The following JAK2 variants were observed in gnomAD, a reference collection of about 807,000 sequenced individuals.
The protein encoded by JAK2 is Janus kinase 2, also known as tyrosine-protein kinase JAK2.
A neutral mutation model predicts 139.3 loss-of-function variants in JAK2; 86 were observed. The ratio of observed to expected loss-of-function variants is 0.62; its 90% CI spans 0.52 to 0.74. The LOEUF (loss-of-function observed/expected upper bound fraction) is 0.74. Ranked by LOEUF, JAK2 falls within the 30% of genes least tolerant of loss-of-function variation. JAK2 has a pLI of 0.00. For synonymous variants in JAK2, 490 were observed against 437.7 expected, an observed-to-expected ratio of 1.12 and a Z score of -1.49; for missense variants, 1,421 against 1,360.3, an observed-to-expected ratio of 1.04 and a Z score of -0.70.
At chr9:5,111,694 C>G (rs1325182212) in intron 22 of JAK2, 2 of 430,142 alleles carry the variant, frequency 4.6e-6, no homozygotes, top group Non-Finnish European at 9.2e-6. Context: ...GCGGAGGCAG[C>G]AGCACGTTTG....
At chr9:5,040,406 AG>A (rs1816395144) in intron 4 of JAK2, among the ~76,000 whole-genome samples, 1 of 152,250 alleles carries the variant, frequency 6.6e-6, no homozygotes. Flanking sequence ...GTGGTTTCTT[AG>A]ATATGACACC....
At chr9:5,113,665 G>T in intron 22 of JAK2, 1 of 164,854 alleles carries the variant, frequency 6.1e-6, no homozygotes, top group South Asian at 1.7e-4. Flanking sequence ...TGAAGTCAGT[G>T]ACTGTGACCT....
intron 22 of JAK2, chr9:5,111,021 C>A: frequency 2.5e-6 from 2 of 801,612 alleles, no homozygotes; most frequent in Non-Finnish European, 4.1e-6. Flanking sequence ...AGGGCCGGCC[C>A]GCCTCCCTGG....
At chr9:5,082,932 G>C (rs1214110156) in intron 19 of JAK2, among the ~76,000 whole-genome samples, 1 of 152,182 alleles carries the variant, frequency 6.6e-6, no homozygotes, top group Non-Finnish European at 1.5e-5. Flanking sequence ...GATCAAAATG[G>C]AATTTCTTAT....
At chr9:5,085,088 G>A in intron 19 of JAK2, 1 of 665,778 alleles carries the variant, frequency 1.5e-6, no homozygotes, top group Admixed American at 1.8e-5. Context: ...ATTGCTTCAT[G>A]GCAGTACTGC....
chr9:5,073,730 G>C lies in JAK2; in HGVS notation c.1809G>C (p.Lys603Asn), dbSNP rs771269665. ...SFFEAASMMS[K>N]LSHKHLVLNY... Reference sequence around the variant, plus strand: ...TTGAAGCAGCAAGTATGATGAGCAAGCTTTCTCACAAGCATTTGGTTTTAA... The same window carrying C: ...TTGAAGCAGCAAGTATGATGAGCAACCTTTCTCACAAGCATTTGGTTTTAA... Residue 603 changes from lysine (K) to asparagine (N), a missense_variant, in exon 14 of 25, where the codon AAG (lysine) becomes AAC (asparagine). Lys to Asn is a moderately conservative substitution (Grantham distance 94, BLOSUM62 0). Transcript: ENST00000381652. 1 of 1,612,318 alleles carries C rather than the reference G, an allele frequency of 6.2e-7. No homozygotes were observed. Among genetic ancestry groups the C allele is most frequent in the South Asian group, 1.1e-5 (1 of 91,030 alleles).
At chr9:5,061,347 G>C (rs972912108) in intron 8 of JAK2, among the ~76,000 whole-genome samples, 3 of 152,330 alleles carry the variant, frequency 2.0e-5, no homozygotes, top group African/African-American at 7.2e-5. Context: ...ACAGAAGGCT[G>C]TTTTGTTTAC....
chr9:5,080,699 A>C lies in JAK2; in HGVS notation c.2434+16A>C. ...TTTACTCCAGGTATGTATTTGAATG[A>C]TCTTATTGATTTTCCAGCTTTCTAT... On this transcript the variant is annotated intron_variant, in intron 18 of 24. Transcript: ENST00000381652. 1 of 1,514,048 alleles carries C rather than the reference A, an allele frequency of 6.6e-7. No individual in the cohort carries two copies. The highest frequency in any genetic ancestry group is 8.8e-7 in the Non-Finnish European group (1 of 1,133,570). 93.8% of individuals were successfully genotyped at this position (1,514,048 alleles called of 1,614,324 possible). A position where few individuals can be genotyped will look rare whatever the true frequency, so the allele number is the denominator to read the frequency against.
chr9:5,053,417 C>T (rs1179523095), intron 6 of JAK2, among the ~76,000 whole-genome samples: 3 of 152,014 alleles, frequency 2.0e-5, no homozygotes, highest in Non-Finnish European at 2.9e-5. Context: ...ATTATTTCCT[C>T]CCATTCTGTG....
At chr9:5,111,901 G>C (rs1822597540) in intron 22 of JAK2, 1 of 354,598 alleles carries the variant, frequency 2.8e-6, no homozygotes, top group South Asian at 2.1e-5. Context: ...GGACGCCCTC[G>C]GGAAGGCCTG....
At chr9:5,029,746 G>A in intron 3 of JAK2, 37 bp from the exon 4 acceptor site, 7 of 1,567,838 alleles carry the variant, frequency 4.5e-6, no homozygotes, top group Non-Finnish European at 6.1e-6. Context: ...ATTCTGTTGT[G>A]TACCTTTAAT....
rs555730236 is a variant in JAK2 at position 5,013,362 on chromosome 9, A to G, written c.-25-8601A>G. 2.6e-5 allele frequency among the ~76,000 whole-genome samples: 4 copies of G among 152,380 alleles called. No homozygotes were observed. The East Asian group carries it at 7.7e-4, about 29-fold the overall frequency. ...TCTACTTGGACTATAAAATTTTGGT[A>G]TACTAAAGAAAGTAAATCAAAATGG... On this transcript the variant is annotated intron_variant, in intron 2 of 24. Transcript: ENST00000381652.
At position 5,032,527 on chromosome 9, in the gene JAK2, G is replaced by A. The variant is rs189194023; in HGVS notation, c.350+2621G>A. ...GGGGAGACTGACACCTCACATGGCC[G>A]GGTACTCCTCTGAGACAAAACTTCC... On this transcript the variant is annotated intron_variant, in intron 4 of 24. Coordinates refer to ENST00000381652, the MANE Select transcript of JAK2 (RefSeq NM_004972.4). Among the ~76,000 whole-genome samples, 654 of 152,266 alleles carry A rather than the reference G, an allele frequency of 4.3e-3. 1 individual carries two copies. The highest frequency in any genetic ancestry group is 6.8e-3 in the Non-Finnish European group (464 of 68,014).
intron 22 of JAK2, chr9:5,114,249 A>T: frequency 1.9e-6 from 1 of 535,196 alleles, no homozygotes; most frequent in Non-Finnish European, 3.7e-6. Flanking sequence ...GCCCACAATC[A>T]CCTGTCTGGT....
At chr9:5,117,672 TTAATA>T (rs1823301435) in intron 22 of JAK2, among the ~76,000 whole-genome samples, 2 of 139,518 alleles carry the variant, frequency 1.4e-5, no homozygotes, top group Admixed American at 7.0e-5. Context: ...CTTAAATAAA[TTAATA>T]AATATTTTTA....
chr9:5,100,411 G>A (rs923915265), intron 22 of JAK2: 2 of 152,166 alleles, frequency 1.3e-5, no homozygotes, highest in Admixed American at 1.3e-4. Context: ...CAATGATGAT[G>A]TGATATTATC....
At chr9:5,033,482 G>A (rs1265592238) in intron 4 of JAK2, among the ~76,000 whole-genome samples, 1 of 152,174 alleles carries the variant, frequency 6.6e-6, no homozygotes. Flanking sequence ...GTTAAGGGCA[G>A]CCAGAGAGAA....
At position 5,081,875 on chromosome 9, in the gene JAK2, A is replaced by T. The variant is rs762757647; in HGVS notation, c.2571+14A>T. 2.5e-6 allele frequency: 4 copies of T among 1,601,158 alleles called. No homozygotes were observed. In the Admixed American group the frequency reaches 5.1e-5, roughly 20 times the overall value. ...CAACTTGGCAAGGTAAATTGTCAGA[A>T]TTTTTTCAAATAGAGTATAATCATT... On this transcript the variant is annotated intron_variant, in intron 19 of 24. Coordinates refer to ENST00000381652, the MANE Select transcript of JAK2 (RefSeq NM_004972.4).
intron 22 of JAK2, chr9:5,097,655 T>C (rs1368674750): frequency 6.6e-6 from 1 of 152,220 alleles, no homozygotes; most frequent in Non-Finnish European, 1.5e-5. Context: ...GGTGGTAACA[T>C]CAAATGATCT....
Sources: gnomAD v4.1 joint callset for allele counts (sites outside exome capture counted in the v4.1 genomes callset) on GRCh38, gnomAD v4.1.1 for gene constraint, MANE v1.5 for transcripts, NCBI Gene and HGNC (gene_info 2026-07-23, HGNC 2026-07-21) for gene names.